The following THSD7B variants were observed in gnomAD, a reference collection of about 807,000 sequenced individuals.
THSD7B encodes the protein thrombospondin type-1 domain-containing protein 7B.
Under a neutral mutation model 213.6 loss-of-function variants are expected in THSD7B, and 138 were observed. The ratio of observed to expected loss-of-function variants is 0.65; its 90% CI spans 0.56 to 0.74. The LOEUF is 0.74. Among genes scored for constraint, THSD7B ranks in the 30% least tolerant of loss-of-function variants. The pLI is 0.00. For synonymous variants in THSD7B, 742 were observed against 687.0 expected (o/e 1.08, Z -1.25); for missense variants, 1,931 against 1,991.5 (o/e 0.97, Z 0.58).
At position 137,524,436 on chromosome 2, in the gene THSD7B, C is replaced by T. The variant is rs532102075; in HGVS notation, c.3139-38785C>T. ...TTCCTGTTCACCAATATTTTTGGGTCTAAGCTATTTTGGAGTACAAAGTGC... is the reference window on the plus strand; with the variant it reads ...TTCCTGTTCACCAATATTTTTGGGTTTAAGCTATTTTGGAGTACAAAGTGC... On this transcript the variant is annotated intron_variant, in intron 15 of 27. Transcript: ENST00000409968. Among the ~76,000 whole-genome samples the T allele has an allele frequency of 3.3e-4, 50 of 152,216 alleles. 2 individuals carry two copies. The highest frequency in any genetic ancestry group is 1.2e-3 in the African/African-American group (49 of 41,548).
intron 12 of THSD7B, among the ~76,000 whole-genome samples, chr2:137,317,718 C>T (rs780116590): frequency 3.9e-5 from 6 of 152,054 alleles, no homozygotes; most frequent in Admixed American, 2.0e-4. Context: ...AGTTTGAGAC[C>T]AGCCTGGGCA....
At chr2:136,915,854 A>G (rs1300538930) in intron 2 of THSD7B, among the ~76,000 whole-genome samples, 4 of 152,224 alleles carry the variant, frequency 2.6e-5, no homozygotes, top group African/African-American at 7.2e-5. Context: ...AACAACAACA[A>G]AAGGAGATAT....
intron 17 of THSD7B, among the ~76,000 whole-genome samples, chr2:137,613,539 A>G (rs1682325934): frequency 6.6e-6 from 1 of 152,202 alleles, no homozygotes; most frequent in African/African-American, 2.4e-5. Flanking sequence ...TGTACTAGAC[A>G]CTAACTGGTT....
intron 2 of THSD7B, among the ~76,000 whole-genome samples, chr2:136,944,423 G>A (rs1482096105): frequency 6.6e-6 from 1 of 152,096 alleles, no homozygotes; most frequent in Admixed American, 6.6e-5. Context: ...CTGAGTTCAA[G>A]TCCTGGATAT....
At chr2:137,022,321 G>A (rs899760167) in intron 2 of THSD7B, among the ~76,000 whole-genome samples, 1 of 152,162 alleles carries the variant, frequency 6.6e-6, no homozygotes, top group Admixed American at 6.5e-5. Flanking sequence ...GAATGAGTCA[G>A]TTTCTCTGCA....
chr2:137,084,509 G>A (rs1002643522), intron 3 of THSD7B, among the ~76,000 whole-genome samples: 6 of 152,186 alleles, frequency 3.9e-5, no homozygotes, highest in African/African-American at 1.4e-4. Flanking sequence ...ATGGCACATA[G>A]GAAGATATTT....
intron 9 of THSD7B, among the ~76,000 whole-genome samples, chr2:137,236,299 G>C (rs953421077): frequency 1.3e-4 from 20 of 152,316 alleles, no homozygotes; most frequent in African/African-American, 4.8e-4. Context: ...ACTGCACTGA[G>C]AGGCATAGAG....
At chr2:137,110,415 A>C (rs1688327084) in intron 4 of THSD7B, among the ~76,000 whole-genome samples, 2 of 152,182 alleles carry the variant, frequency 1.3e-5, no homozygotes, top group South Asian at 4.1e-4. Flanking sequence ...CCATGTCTTT[A>C]TCTTAACTGA....
At chr2:136,825,577 CAG>C (rs1247101797) in intron 1 of THSD7B, among the ~76,000 whole-genome samples, 1 of 151,970 alleles carries the variant, frequency 6.6e-6, no homozygotes, top group Admixed American at 6.6e-5. Flanking sequence ...TTTTTTTAGA[CAG>C]AGTCTTGCTC....
At chr2:137,608,308 A>C (rs1393371015) in intron 17 of THSD7B, among the ~76,000 whole-genome samples, 1 of 150,784 alleles carries the variant, frequency 6.6e-6, no homozygotes, top group Non-Finnish European at 1.5e-5. Context: ...ACCATTGTCC[A>C]TACTAAATGC....
At chr2:137,669,515 T>G (rs1164599711) in intron 27 of THSD7B, among the ~76,000 whole-genome samples, 4 of 152,176 alleles carry the variant, frequency 2.6e-5, no homozygotes, top group African/African-American at 9.7e-5. Context: ...TGAACAAATG[T>G]GAATTTGAAA....
At chr2:136,897,542 A>G (rs10205943) in intron 2 of THSD7B, among the ~76,000 whole-genome samples, 20,363 of 152,130 alleles carry the variant, frequency 0.13, 1,823 homozygotes, top group African/African-American at 0.24. Flanking sequence ...GTGTGGACCC[A>G]AAGAGTGAGC....
chr2:137,467,119 G>T (rs945054762), intron 15 of THSD7B, among the ~76,000 whole-genome samples: 3 of 152,124 alleles, frequency 2.0e-5, no homozygotes, highest in East Asian at 3.9e-4. Flanking sequence ...AAGAAGTCCT[G>T]GGAAGAGCTT....
intron 1 of THSD7B, among the ~76,000 whole-genome samples, chr2:136,843,092 T>G (rs1682942580): frequency 6.7e-6 from 1 of 149,310 alleles, no homozygotes; most frequent in Non-Finnish European, 1.5e-5. Flanking sequence ...GGTTTCATTT[T>G]TTTTTTTTTT....
intron 3 of THSD7B, among the ~76,000 whole-genome samples, chr2:137,066,933 A>G (rs953778713): frequency 2.6e-5 from 4 of 152,006 alleles, no homozygotes; most frequent in African/African-American, 7.2e-5. Flanking sequence ...TTGACATTTC[A>G]TCAAGCTCAC....
intron 12 of THSD7B, among the ~76,000 whole-genome samples, chr2:137,404,481 A>ATG (rs1686458990): frequency 8.0e-6 from 1 of 124,300 alleles, no homozygotes; most frequent in African/African-American, 3.0e-5. Flanking sequence ...ATATACACAC[A>ATG]CACACACACA....
chr2:137,453,424 G>T (rs1269369252), intron 15 of THSD7B, among the ~76,000 whole-genome samples: 1 of 145,094 alleles, frequency 6.9e-6, no homozygotes, highest in East Asian at 2.0e-4. Flanking sequence ...CTGCCTCCTG[G>T]GTTCATGCCA....
At chr2:136,831,013 A>G (rs1017208534) in intron 1 of THSD7B, among the ~76,000 whole-genome samples, 1 of 152,236 alleles carries the variant, frequency 6.6e-6, no homozygotes, top group South Asian at 2.1e-4. Flanking sequence ...ATAATCAACT[A>G]GTAATTGCTA....
intron 9 of THSD7B, among the ~76,000 whole-genome samples, chr2:137,237,472 T>C (rs545009748): frequency 2.6e-5 from 4 of 152,328 alleles, no homozygotes; most frequent in African/African-American, 9.6e-5. Context: ...TCACTTACTG[T>C]TACTAAACGT....
Sources: allele counts gnomAD v4.1 joint callset (sites outside exome capture counted in the v4.1 genomes callset), GRCh38; gene constraint gnomAD v4.1.1; transcripts MANE v1.5; gene names NCBI Gene and HGNC (gene_info 2026-07-23, HGNC 2026-07-21).